The following GPR149 variants were observed in gnomAD, a reference collection of about 807,000 sequenced individuals.
GPR149 encodes the protein probable G protein-coupled receptor 149.
Under a neutral mutation model 50.2 loss-of-function variants are expected in GPR149, and 50 were observed. The observed-to-expected ratio is 1.00, with a 90% CI of 0.79 to 1.26. GPR149 has a LOEUF of 1.26. Among genes scored for constraint, GPR149 ranks in the 50% most tolerant of loss-of-function variants. The pLI is 0.00. For missense variants in GPR149, 983 were observed against 895.4 expected, an observed-to-expected ratio of 1.10 and a Z score of -1.25; for synonymous variants, 405 against 358.2, an observed-to-expected ratio of 1.13 and a Z score of -1.48.
intron 3 of GPR149, among the ~76,000 whole-genome samples, chr3:154,384,224 C>T (rs1055466776): frequency 6.6e-6 from 1 of 152,136 alleles, no homozygotes; most frequent in Admixed American, 6.5e-5. Flanking sequence ...CGGGTGAGAT[C>T]TTATTTTCAG....
rs148893182 is a variant in GPR149 at position 154,384,198 on chromosome 3, C to T, written c.1623+36841G>A. Among the ~76,000 whole-genome samples the T allele has an allele frequency of 5.1e-3, 772 of 152,204 alleles. 1 individual carries two copies. The highest frequency in any genetic ancestry group is 8.9e-3 in the African/African-American group (370 of 41,546). On this transcript the variant is annotated intron_variant, in intron 3 of 3. Coordinates refer to ENST00000389740, the MANE Select transcript of GPR149 (RefSeq NM_001038705.3). ...ACTGTGAAGATTAAAAAGCCCCAGG[C>T]GTTTACATAAAGCCTCGGGTGAGAT...
intron 3 of GPR149, among the ~76,000 whole-genome samples, chr3:154,392,923 G>A (rs2108413525): frequency 6.6e-6 from 1 of 152,072 alleles, no homozygotes; most frequent in African/African-American, 2.4e-5. Flanking sequence ...CCAGTGGAGG[G>A]ATTGAAATAG....
intron 3 of GPR149, among the ~76,000 whole-genome samples, chr3:154,338,747 G>A (rs966695738): frequency 6.6e-6 from 1 of 151,878 alleles, no homozygotes; most frequent in Non-Finnish European, 1.5e-5. Flanking sequence ...ATTGTGAAAC[G>A]GTGGCTTAAG....
chr3:154,420,912 A>C, intron 3 of GPR149, 127 bp downstream of exon 3: 2 of 675,108 alleles, frequency 3.0e-6, no homozygotes, highest in Non-Finnish European at 5.0e-6. Flanking sequence ...ATAGCATGGA[A>C]ATTAATTGAG....
chr3:154,349,100 G>A (rs887733040), intron 3 of GPR149, among the ~76,000 whole-genome samples: 8 of 152,054 alleles, frequency 5.3e-5, no homozygotes, highest in African/African-American at 1.9e-4. Flanking sequence ...ATTGAAATTG[G>A]TGCTAGGGAA....
chr3:154,346,564 C>A (rs1307702083), intron 3 of GPR149, among the ~76,000 whole-genome samples: 2 of 151,778 alleles, frequency 1.3e-5, no homozygotes, highest in Non-Finnish European at 2.9e-5. Context: ...TCCTCAAAGG[C>A]CTTCAAGCTA....
chr3:154,364,770 C>T (rs1714491563), intron 3 of GPR149, among the ~76,000 whole-genome samples: 1 of 152,226 alleles, frequency 6.6e-6, no homozygotes, highest in Non-Finnish European at 1.5e-5. Context: ...GGATCCCACC[C>T]CCATGGCTTT....
chr3:154,345,117 C>T (rs1169973686), intron 3 of GPR149, among the ~76,000 whole-genome samples: 1 of 152,158 alleles, frequency 6.6e-6, no homozygotes, highest in African/African-American at 2.4e-5. Context: ...TGGCATATGA[C>T]AGGCCCTCAA....
intron 3 of GPR149, among the ~76,000 whole-genome samples, chr3:154,339,929 A>G (rs1285370191): frequency 6.6e-6 from 1 of 151,468 alleles, no homozygotes; most frequent in Non-Finnish European, 1.5e-5. Context: ...AGCTGGGACT[A>G]CAGGCACCCA....
chr3:154,352,295 GC>G, intron 3 of GPR149: 2 of 887,214 alleles, frequency 2.3e-6, no homozygotes, highest in Non-Finnish European at 3.6e-6. Flanking sequence ...CGCCTGACCA[GC>G]CACTTGACCA....
At chr3:154,375,040 AG>A (rs919062719) in intron 3 of GPR149, among the ~76,000 whole-genome samples, 5 of 152,232 alleles carry the variant, frequency 3.3e-5, no homozygotes, top group African/African-American at 1.2e-4. Context: ...ATGCTCCTTA[AG>A]AAATATTCAA....
chr3:154,340,975 C>T (rs998662322), intron 3 of GPR149, among the ~76,000 whole-genome samples: 2 of 152,136 alleles, frequency 1.3e-5, no homozygotes, highest in Admixed American at 6.5e-5. Flanking sequence ...CTGCCTCGGC[C>T]TCCCAAAGGG....
At chr3:154,412,333 G>A (rs1301901816) in intron 3 of GPR149, among the ~76,000 whole-genome samples, 1 of 151,580 alleles carries the variant, frequency 6.6e-6, no homozygotes, top group Non-Finnish European at 1.5e-5. Context: ...CAACATAGAA[G>A]TCCTAGGCAA....
chr3:154,389,928 G>C (rs907741580), intron 3 of GPR149, among the ~76,000 whole-genome samples: 1 of 152,206 alleles, frequency 6.6e-6, no homozygotes, highest in African/African-American at 2.4e-5. Context: ...GGGAAGAAAA[G>C]AATTGGACCA....
At chr3:154,381,929 C>T (rs923356400) in intron 3 of GPR149, among the ~76,000 whole-genome samples, 4 of 152,106 alleles carry the variant, frequency 2.6e-5, no homozygotes, top group Admixed American at 6.6e-5. Flanking sequence ...AACCCAGATG[C>T]GTCAAATAGA....
At chr3:154,354,986 G>GT (rs1272326133) in intron 3 of GPR149, among the ~76,000 whole-genome samples, 1 of 152,104 alleles carries the variant, frequency 6.6e-6, no homozygotes, top group Non-Finnish European at 1.5e-5. Flanking sequence ...TGGCCAAAAC[G>GT]TAAGCTTCTG....
chr3:154,408,113 G>A lies in GPR149; in HGVS notation c.1623+12926C>T, dbSNP rs113578819. The stretch of plus-strand genomic sequence containing the variant: ...GATATAAATAAATAAATAGGTAAAC[G>A]AAGGAGAAGAGATAGCTTTTCCTTA... On this transcript the variant is annotated intron_variant, in intron 3 of 3. Coordinates refer to ENST00000389740, the MANE Select transcript of GPR149 (RefSeq NM_001038705.3). 9.9e-5 allele frequency among the ~76,000 whole-genome samples: 15 copies of A among 152,210 alleles called. 1 individual carries two copies. The highest frequency in any genetic ancestry group is 3.1e-4 in the African/African-American group (13 of 41,548).
At position 154,429,355 on chromosome 3, in the gene GPR149, G is replaced by A; in HGVS notation, c.261C>T (p.Ile87=). Residue 87 remains isoleucine (I), a synonymous_variant, in exon 1 of 4, where the codon ATC becomes ATT. Coordinates refer to ENST00000389740, the MANE Select transcript of GPR149 (RefSeq NM_001038705.3). ...DDLMSVLSVT[I]FMFLQWPNEV... ...CGTTTGGCCACTGCAAAAACATGAA[G>A]ATGGTCACCGACAGGACGCTCATGA... is the stretch of plus-strand genomic sequence containing the variant. 1 of 1,614,212 alleles carries A rather than the reference G, an allele frequency of 6.2e-7. No homozygotes were observed.
At chr3:154,344,882 G>A (rs73872823) in intron 3 of GPR149, among the ~76,000 whole-genome samples, 1,663 of 152,284 alleles carry the variant, frequency 0.011, 30 homozygotes, top group African/African-American at 0.038. Context: ...ATTTGTGATA[G>A]TTTGTTACAG....
Sources: gnomAD v4.1 joint callset for allele counts (sites outside exome capture counted in the v4.1 genomes callset) on GRCh38, gnomAD v4.1.1 for gene constraint, MANE v1.5 for transcripts, NCBI Gene and HGNC (gene_info 2026-07-23, HGNC 2026-07-21) for gene names.